CISD1: variants seen among roughly 807,000 people sequenced by gnomAD.
CISD1 encodes the protein CDGSH iron-sulfur domain-containing protein 1.
Under a neutral mutation model 12.0 loss-of-function variants are expected in CISD1, and 8 were observed. That is an observed-to-expected ratio of 0.67 (90% CI 0.39 to 1.20). The LOEUF (loss-of-function observed/expected upper bound fraction) is 1.20. CISD1 is among the 50% of genes most tolerant of loss of function. The probability of loss-of-function intolerance (pLI) is 0.01; values close to 1 mark genes in which losing one functional copy is unlikely to be tolerated. For missense variants in CISD1, 107 were observed against 132.7 expected, an observed-to-expected ratio of 0.81 and a Z score of 0.95; for synonymous variants, 38 against 42.2, an observed-to-expected ratio of 0.90 and a Z score of 0.39.
At chr10:58,269,358 C>A in intron 1 of CISD1, 54 bp downstream of exon 1, 4 of 1,543,160 alleles carry the variant, frequency 2.6e-6, no homozygotes, top group Non-Finnish European at 1.8e-6. Context: ...GGTTGCCGCG[C>A]CCGCAGTTCG....
chr10:58,281,852 T>G (rs1183387113), intron 2 of CISD1, among the ~76,000 whole-genome samples: 1 of 152,240 alleles, frequency 6.6e-6, no homozygotes, highest in Non-Finnish European at 1.5e-5. Flanking sequence ...TCAGATTTCT[T>G]AGTAATGTGC....
At position 58,288,644 on chromosome 10, in the gene CISD1, G is replaced by A. The variant is rs866284510; in HGVS notation, c.*994G>A. The A allele has an allele frequency of 1.3e-5, 2 of 151,844 alleles. No individual in the cohort carries two copies. 9.4% of individuals were successfully genotyped at this position (151,844 alleles called of 1,614,324 possible). A position where few individuals can be genotyped will look rare whatever the true frequency, so the allele number is the denominator to read the frequency against. Reference sequence around the variant, plus strand: ...TTATGTAATATTCTTCAAAGACTCCGAGCAGAAACATTGCATTCATTGTTG... The same window carrying A: ...TTATGTAATATTCTTCAAAGACTCCAAGCAGAAACATTGCATTCATTGTTG... On this transcript the variant is annotated 3_prime_UTR_variant, in exon 3 of 3. Coordinates refer to ENST00000333926, the MANE Select transcript of CISD1 (RefSeq NM_018464.5).
chr10:58,273,074 A>G (rs1408599044), intron 1 of CISD1, among the ~76,000 whole-genome samples: 1 of 152,154 alleles, frequency 6.6e-6, no homozygotes, highest in Non-Finnish European at 1.5e-5. Flanking sequence ...AGCTTCTTAT[A>G]TATACCTGAA....
intron 1 of CISD1, among the ~76,000 whole-genome samples, chr10:58,274,828 T>G (rs1247260592): frequency 6.6e-6 from 1 of 151,700 alleles, no homozygotes; most frequent in African/African-American, 2.4e-5. Flanking sequence ...AAAAAAAAAG[T>G]GACCTGTGGG....
chr10:58,278,668 C>T (rs1322474404), intron 2 of CISD1, among the ~76,000 whole-genome samples: 2 of 152,148 alleles, frequency 1.3e-5, no homozygotes, highest in Non-Finnish European at 2.9e-5. Context: ...GGGTCATTTT[C>T]GCAAATAACT....
chr10:58,285,217 C>T lies in CISD1; in HGVS notation c.238-2344C>T, dbSNP rs78868959. On this transcript the variant is annotated intron_variant, in intron 2 of 2. Coordinates refer to ENST00000333926, the MANE Select transcript of CISD1 (RefSeq NM_018464.5). ...CTCTACGACAGGATAGAATTTATATCTGGAAATATAAGATATGCCAATACC... is the reference window on the plus strand; with the variant it reads ...CTCTACGACAGGATAGAATTTATATTTGGAAATATAAGATATGCCAATACC... 6.2e-3 allele frequency among the ~76,000 whole-genome samples: 947 copies of T among 152,246 alleles called. 14 individuals carry two copies. The highest frequency in any genetic ancestry group is 0.021 in the African/African-American group (879 of 41,546).
At chr10:58,287,135 G>A (rs1839437425) in intron 2 of CISD1, among the ~76,000 whole-genome samples, 1 of 152,076 alleles carries the variant, frequency 6.6e-6, no homozygotes, top group South Asian at 2.1e-4. Flanking sequence ...TGGCCAGGCT[G>A]GTCTTGAACT....
In CISD1 at chr10:58,277,257, C is replaced by T. The variant is rs971819986; in HGVS notation, c.172C>T (p.His58Tyr). ...CCAGAAAGACAACCCCAAGATAGTA[C>T]ATGCTTTTGACATGGAGGATTTGGG... Reference protein sequence around the residue: ...HIQKDNPKIVHAFDMEDLGDK... With the variant: ...HIQKDNPKIVYAFDMEDLGDK... Residue 58 changes from histidine to tyrosine, a missense_variant, in exon 2 of 3, where the codon CAT becomes TAT. Physicochemically the swap from His to Tyr is moderately conservative, Grantham distance 83 (BLOSUM62 2). Coordinates refer to ENST00000333926, the MANE Select transcript of CISD1 (RefSeq NM_018464.5). 4 of 1,612,100 alleles carry T rather than the reference C, an allele frequency of 2.5e-6. No individual in the cohort carries two copies. In the African/African-American group the frequency reaches 5.3e-5, roughly 22 times the overall value.
At chr10:58,272,754 C>T (rs200037236) in intron 1 of CISD1, among the ~76,000 whole-genome samples, 2 of 152,110 alleles carry the variant, frequency 1.3e-5, no homozygotes, top group African/African-American at 4.8e-5. Flanking sequence ...CCCGTCTCTA[C>T]TAAAAATACA....
intron 2 of CISD1, among the ~76,000 whole-genome samples, chr10:58,285,312 ATTACT>A (rs1839416393): frequency 6.6e-6 from 1 of 152,206 alleles, no homozygotes; most frequent in South Asian, 2.1e-4. Flanking sequence ...TTAAAATTTG[ATTACT>A]TTAACATTAA....
At chr10:58,286,446 AGT>A (rs904358960) in intron 2 of CISD1, among the ~76,000 whole-genome samples, 8 of 152,198 alleles carry the variant, frequency 5.3e-5, no homozygotes, top group Admixed American at 5.2e-4. Context: ...GCGTTTGCAA[AGT>A]GTGCTCTACA....
chr10:58,269,575 C>A (rs1357002390), intron 1 of CISD1, among the ~76,000 whole-genome samples: 1 of 152,188 alleles, frequency 6.6e-6, no homozygotes, highest in Non-Finnish European at 1.5e-5. Flanking sequence ...GACCGCGCCG[C>A]TAGCTTTTCT....
chr10:58,287,442 C>A, intron 2 of CISD1, 119 bp from the exon 3 acceptor site: 1 of 601,790 alleles, frequency 1.7e-6, no homozygotes, highest in South Asian at 2.8e-5. Context: ...TTAAGAAAGC[C>A]TATATAAGAT....
chr10:58,284,176 A>T (rs1247660692), intron 2 of CISD1, among the ~76,000 whole-genome samples: 1 of 152,194 alleles, frequency 6.6e-6, no homozygotes, highest in Non-Finnish European at 1.5e-5. Context: ...CTCCACAAAA[A>T]AATGCAGAAA....
chr10:58,285,699 T>C (rs992309676), intron 2 of CISD1, among the ~76,000 whole-genome samples: 1 of 152,216 alleles, frequency 6.6e-6, no homozygotes, highest in Non-Finnish European at 1.5e-5. Context: ...TTCTTATTTT[T>C]TCATTTTACA....
At position 58,289,390 on chromosome 10, in the gene CISD1, T is replaced by TTA. The variant is rs1356353923; in HGVS notation, c.*1744_*1745dup. 1 of 152,066 alleles carries TTA rather than the reference T, an allele frequency of 6.6e-6. No homozygotes were observed. The highest frequency in any genetic ancestry group is 1.9e-4 in the East Asian group (1 of 5,214). 9.4% of individuals were successfully genotyped at this position (152,066 alleles called of 1,614,324 possible). On this transcript the variant is annotated 3_prime_UTR_variant, in exon 3 of 3. Coordinates refer to ENST00000333926, the MANE Select transcript of CISD1 (RefSeq NM_018464.5). ...GGTACCAGTTCTCAAAACTATAGGA[T>TTA]TATATGAGTGTGTGTATACATATGG...
At chr10:58,270,762 G>A (rs892983650) in intron 1 of CISD1, among the ~76,000 whole-genome samples, 21 of 152,182 alleles carry the variant, frequency 1.4e-4, no homozygotes, top group Admixed American at 4.6e-4. Context: ...TAACCATAGG[G>A]GAATTCAAAG....
At chr10:58,280,763 A>C (rs1839365004) in intron 2 of CISD1, among the ~76,000 whole-genome samples, 2 of 152,252 alleles carry the variant, frequency 1.3e-5, no homozygotes, top group Admixed American at 1.3e-4. Flanking sequence ...GGTTAGAATA[A>C]AACTAAAAAT....
At chr10:58,278,830 G>A (rs115479262) in intron 2 of CISD1, among the ~76,000 whole-genome samples, 14 of 152,248 alleles carry the variant, frequency 9.2e-5, no homozygotes, top group African/African-American at 3.4e-4. Context: ...TCATGTGACA[G>A]TTCACCGGTT....
Sources: allele counts gnomAD v4.1 joint callset (sites outside exome capture counted in the v4.1 genomes callset), GRCh38; gene constraint gnomAD v4.1.1; transcripts MANE v1.5; gene names NCBI Gene and HGNC (gene_info 2026-07-23, HGNC 2026-07-21).